The following LHFPL2 variants were observed in gnomAD, a reference collection of about 807,000 sequenced individuals.
LHFPL2 encodes the protein LHFPL tetraspan subfamily member 2 protein.
In LHFPL2, 7 loss-of-function variants were observed where a neutral mutation model predicts 17.5. The observed-to-expected ratio is 0.40, with a 90% confidence interval of 0.23 to 0.75. The LOEUF is 0.75. LHFPL2 is among the 30% of genes least tolerant of loss of function. LHFPL2 has a pLI of 0.37. For missense variants in LHFPL2, 241 were observed against 294.8 expected, an observed-to-expected ratio of 0.82 and a Z score of 1.34; for synonymous variants, 134 against 116.2, an observed-to-expected ratio of 1.15 and a Z score of -0.99.
At chr5:78,544,405 T>A (rs1193331989) in intron 3 of LHFPL2, among the ~76,000 whole-genome samples, 1 of 152,092 alleles carries the variant, frequency 6.6e-6, no homozygotes, top group Admixed American at 6.5e-5. Flanking sequence ...GAACACAATA[T>A]ACAAAAGCAA....
At chr5:78,606,834 T>C (rs993702670) in intron 2 of LHFPL2, among the ~76,000 whole-genome samples, 1 of 151,550 alleles carries the variant, frequency 6.6e-6, no homozygotes, top group Non-Finnish European at 1.5e-5. Flanking sequence ...ACCACCACGC[T>C]CAGCTACTTT....
At chr5:78,610,230 C>G (rs1744371041) in intron 2 of LHFPL2, among the ~76,000 whole-genome samples, 1 of 152,130 alleles carries the variant, frequency 6.6e-6, no homozygotes, top group African/African-American at 2.4e-5. Context: ...TGGGTCCCAC[C>G]AAGGGCAGGC....
At chr5:78,537,357 C>T (rs1251154021) in intron 3 of LHFPL2, among the ~76,000 whole-genome samples, 3 of 152,202 alleles carry the variant, frequency 2.0e-5, no homozygotes, top group Non-Finnish European at 4.4e-5. Context: ...ATGTGCAAGG[C>T]TTCTTGCCCC....
chr5:78,553,410 C>T (rs1756496939), intron 3 of LHFPL2, among the ~76,000 whole-genome samples: 1 of 152,182 alleles, frequency 6.6e-6, no homozygotes, highest in South Asian at 2.1e-4. Context: ...AGTGACTTCT[C>T]TGCTTGTCCT....
At chr5:78,609,185 C>T (rs1744325852) in intron 2 of LHFPL2, among the ~76,000 whole-genome samples, 1 of 151,894 alleles carries the variant, frequency 6.6e-6, no homozygotes, top group African/African-American at 2.4e-5. Flanking sequence ...AGATTGTGGC[C>T]AGGTACAGTG....
chr5:78,533,177 C>A (rs538120191), intron 3 of LHFPL2, among the ~76,000 whole-genome samples: 1 of 152,302 alleles, frequency 6.6e-6, no homozygotes, highest in East Asian at 1.9e-4. Context: ...CAGCTTTTCA[C>A]AAACCAAGAT....
intron 2 of LHFPL2, among the ~76,000 whole-genome samples, chr5:78,627,988 T>G (rs1475889564): frequency 6.6e-6 from 1 of 152,194 alleles, no homozygotes; most frequent in African/African-American, 2.4e-5. Context: ...AGTAGCTGGC[T>G]GAGTCCTACA....
At chr5:78,523,875 T>A (rs187718004) in intron 3 of LHFPL2, among the ~76,000 whole-genome samples, 34 of 152,232 alleles carry the variant, frequency 2.2e-4, no homozygotes, top group Admixed American at 1.5e-3. Flanking sequence ...AACAGGCAGT[T>A]AGTACAAGGT....
intron 3 of LHFPL2, among the ~76,000 whole-genome samples, chr5:78,527,825 A>G (rs1335016843): frequency 6.6e-6 from 1 of 152,236 alleles, no homozygotes. Flanking sequence ...AGCTTTATTT[A>G]TTCAGATACA....
rs182932143 is a variant in LHFPL2, at chr5:78,496,896, A to G, written c.431-7743T>C. On this transcript the variant is annotated intron_variant, in intron 4 of 4. Coordinates refer to ENST00000380345, the MANE Select transcript of LHFPL2 (RefSeq NM_005779.3). Reference sequence around the variant, plus strand: ...CTCCTTGGTCCTCTTCCCTATCTATATTCCCCTCCTGATCACAGCTGGCCC... The same window carrying G: ...CTCCTTGGTCCTCTTCCCTATCTATGTTCCCCTCCTGATCACAGCTGGCCC... Among the ~76,000 whole-genome samples, 330 of 152,100 alleles carry G rather than the reference A, an allele frequency of 2.2e-3. 1 individual carries two copies. Among genetic ancestry groups the G allele is most frequent in the Non-Finnish European group, 3.1e-3 (209 of 67,984 alleles).
chr5:78,526,066 C>T (rs1026239550), intron 3 of LHFPL2, among the ~76,000 whole-genome samples: 3 of 152,094 alleles, frequency 2.0e-5, no homozygotes, highest in African/African-American at 7.2e-5. Flanking sequence ...CTAGCTGTTC[C>T]CCGGCCCCTC....
intron 1 of LHFPL2, among the ~76,000 whole-genome samples, chr5:78,634,056 A>C (rs1027189765): frequency 2.0e-5 from 3 of 152,208 alleles, no homozygotes; most frequent in Non-Finnish European, 4.4e-5. Flanking sequence ...AGCCCAGTTT[A>C]TCTGCCTCTT....
intron 3 of LHFPL2, among the ~76,000 whole-genome samples, chr5:78,550,389 G>T (rs569700847): frequency 1.3e-5 from 2 of 152,236 alleles, no homozygotes; most frequent in East Asian, 3.9e-4. Context: ...CCGTTATGAA[G>T]AGAGCTCTCA....
chr5:78,580,246 C>T (rs980974254), intron 2 of LHFPL2, among the ~76,000 whole-genome samples: 5 of 152,050 alleles, frequency 3.3e-5, no homozygotes, highest in African/African-American at 1.2e-4. Flanking sequence ...TGGATATTAG[C>T]CCTTTGTCAG....
At chr5:78,529,598 T>TGCAGTCC (rs369774039) in intron 3 of LHFPL2, among the ~76,000 whole-genome samples, 2,048 of 151,506 alleles carry the variant, frequency 0.014, 38 homozygotes, top group African/African-American at 0.047. Context: ...ATTGCGCCAC[T>TGCAGTCC]GCAGTCCGCA....
chr5:78,537,077 G>A (rs556139262), intron 3 of LHFPL2, among the ~76,000 whole-genome samples: 3 of 152,270 alleles, frequency 2.0e-5, no homozygotes, highest in East Asian at 1.9e-4. Flanking sequence ...CCACTGAATC[G>A]GAATCTGCAT....
chr5:78,581,704 G>C (rs1355400572), intron 2 of LHFPL2, among the ~76,000 whole-genome samples: 2 of 152,146 alleles, frequency 1.3e-5, no homozygotes, highest in African/African-American at 4.8e-5. Flanking sequence ...GTATTTTATT[G>C]AGGATTTTTG....
chr5:78,622,479 T>G (rs1744889135), intron 2 of LHFPL2, among the ~76,000 whole-genome samples: 1 of 152,138 alleles, frequency 6.6e-6, no homozygotes, highest in Non-Finnish European at 1.5e-5. Context: ...GAAGAATAAT[T>G]TGCCTGAGGT....
intron 2 of LHFPL2, among the ~76,000 whole-genome samples, chr5:78,573,487 T>C (rs550187664): frequency 1.3e-5 from 2 of 151,964 alleles, no homozygotes; most frequent in South Asian, 2.1e-4. Flanking sequence ...CTTAGAAGAG[T>C]TGGTCAGGGA....
Sources: gnomAD v4.1 joint callset for allele counts (sites outside exome capture counted in the v4.1 genomes callset) on GRCh38, gnomAD v4.1.1 for gene constraint, MANE v1.5 for transcripts, NCBI Gene and HGNC (gene_info 2026-07-23, HGNC 2026-07-21) for gene names.